ANKRD11: variants seen among roughly 807,000 people sequenced by gnomAD.
ANKRD11 encodes ankyrin repeat domain 11.
ANKRD11 carries 17 observed loss-of-function variants against 195.7 expected under a neutral mutation model. That is an observed-to-expected ratio of 0.09 (90% CI 0.06 to 0.13). The LOEUF (loss-of-function observed/expected upper bound fraction) is 0.13, where lower values mean the gene tolerates loss of function less well. Among genes scored for constraint, ANKRD11 ranks in the 10% least tolerant of loss-of-function variants. The pLI, the probability that ANKRD11 is intolerant of heterozygous loss-of-function variation, is 1.00. For missense variants in ANKRD11, 3,735 were observed against 3,566.1 expected, an observed-to-expected ratio of 1.05 and a Z score of -1.21; for synonymous variants, 1,953 against 1,528.1, an observed-to-expected ratio of 1.28 and a Z score of -6.49.
intron 2 of ANKRD11, among the ~76,000 whole-genome samples, chr16:89,368,114 C>T (rs946694375): frequency 2.0e-5 from 3 of 152,200 alleles, no homozygotes; most frequent in Non-Finnish European, 2.9e-5. Flanking sequence ...GCTCACTACG[C>T]TACTCATTGG....
chr16:89,404,108 T>G (rs2041813754), intron 2 of ANKRD11, among the ~76,000 whole-genome samples: 1 of 152,200 alleles, frequency 6.6e-6, no homozygotes, highest in African/African-American at 2.4e-5. Flanking sequence ...GCCCGGCACA[T>G]GATTGTGAAG....
intron 11 of ANKRD11, among the ~76,000 whole-genome samples, chr16:89,274,557 G>A (rs2033474230): frequency 6.6e-6 from 1 of 152,194 alleles, no homozygotes; most frequent in Non-Finnish European, 1.5e-5. Context: ...GTTACGGAGG[G>A]ACTGAGCTGC....
At chr16:89,420,811 G>A (rs933422173) in intron 1 of ANKRD11, among the ~76,000 whole-genome samples, 1 of 152,138 alleles carries the variant, frequency 6.6e-6, no homozygotes, top group African/African-American at 2.4e-5. Flanking sequence ...CAACCTCCTG[G>A]GCCCAAGGGG....
intron 2 of ANKRD11, among the ~76,000 whole-genome samples, chr16:89,326,737 G>A (rs1280966968): frequency 6.6e-6 from 1 of 152,122 alleles, no homozygotes; most frequent in Non-Finnish European, 1.5e-5. Flanking sequence ...GCAAGACCCT[G>A]TGTGAAAAAA....
intron 2 of ANKRD11, among the ~76,000 whole-genome samples, chr16:89,359,794 G>A (rs2039651636): frequency 6.6e-6 from 1 of 152,202 alleles, no homozygotes; most frequent in African/African-American, 2.4e-5. Flanking sequence ...TCTATGTGAT[G>A]CAGAAAGATA....
At chr16:89,346,101 T>C (rs568535288) in intron 2 of ANKRD11, among the ~76,000 whole-genome samples, 30 of 150,986 alleles carry the variant, frequency 2.0e-4, no homozygotes, top group Non-Finnish European at 3.8e-4. Flanking sequence ...AAAAAAAAAT[T>C]AGCCGGGCGT....
At chr16:89,345,720 C>T (rs2038908392) in intron 2 of ANKRD11, among the ~76,000 whole-genome samples, 1 of 152,122 alleles carries the variant, frequency 6.6e-6, no homozygotes, top group South Asian at 2.1e-4. Context: ...ATGTTTAATC[C>T]ATGAACAAAC....
chr16:89,487,700 G>C (rs1420992167), intron 1 of ANKRD11, among the ~76,000 whole-genome samples: 1 of 152,170 alleles, frequency 6.6e-6, no homozygotes, highest in Admixed American at 6.5e-5. Context: ...TTGAACCCCA[G>C]GAGACGGAGG....
At chr16:89,319,544 A>G (rs1041436365) in intron 2 of ANKRD11, among the ~76,000 whole-genome samples, 1 of 152,162 alleles carries the variant, frequency 6.6e-6, no homozygotes, top group African/African-American at 2.4e-5. Context: ...CCCTTCCAGG[A>G]CCCTCGTGTC....
chr16:89,456,472 C>T (rs2056441676), intron 1 of ANKRD11, among the ~76,000 whole-genome samples: 1 of 150,472 alleles, frequency 6.6e-6, no homozygotes, highest in African/African-American at 2.5e-5. Flanking sequence ...CACTTGAACC[C>T]GGGAGGCGGA....
intron 1 of ANKRD11, among the ~76,000 whole-genome samples, chr16:89,448,142 C>T (rs2043890369): frequency 6.9e-6 from 1 of 145,282 alleles, no homozygotes; most frequent in African/African-American, 2.4e-5. Context: ...GTCACATGCA[C>T]CCTTGCAGAC....
chr16:89,355,200 C>G (rs969224108), intron 2 of ANKRD11, among the ~76,000 whole-genome samples: 35 of 152,104 alleles, frequency 2.3e-4, no homozygotes, highest in African/African-American at 4.8e-5. Context: ...GCTGGTGATG[C>G]TCGGGAGGCG....
At position 89,280,194 on chromosome 16, in the gene ANKRD11, C is replaced by T; in HGVS notation, c.6348G>A (p.Glu2116=). ...SRGLSHLGQV[E]PVPWADAFAG... is the part of the protein sequence containing the mutation. ...CGAAGGCGTCCGCCCAGGGCACCGG[C>T]TCCACCTGGCCGAGGTGAGACAGGC... The change falls in exon 9 of 13, where the codon GAG becomes GAA. Residue 2116 remains glutamate (E), a synonymous_variant. Transcript: ENST00000301030. The T allele has an allele frequency of 2.5e-6, 4 of 1,608,680 alleles. No homozygotes were observed. Among genetic ancestry groups the T allele is most frequent in the Non-Finnish European group, 3.4e-6 (4 of 1,179,104 alleles).
intron 9 of ANKRD11, among the ~76,000 whole-genome samples, chr16:89,277,145 G>A (rs1185611268): frequency 2.0e-5 from 3 of 152,128 alleles, no homozygotes; most frequent in South Asian, 2.1e-4. Flanking sequence ...ACCCTGCCTC[G>A]ACGAGCCCAG....
chr16:89,382,079 C>G (rs935128571), intron 2 of ANKRD11, among the ~76,000 whole-genome samples: 1 of 152,208 alleles, frequency 6.6e-6, no homozygotes, highest in Non-Finnish European at 1.5e-5. Flanking sequence ...GAATGGGGCC[C>G]AGGCAGGCGC....
intron 2 of ANKRD11, among the ~76,000 whole-genome samples, chr16:89,349,947 G>A (rs1019334826): frequency 6.7e-6 from 1 of 150,038 alleles, no homozygotes; most frequent in African/African-American, 2.5e-5. Flanking sequence ...AAGGACCTGT[G>A]TCTAGAATCC....
chr16:89,350,901 T>C (rs2039182940), intron 2 of ANKRD11, among the ~76,000 whole-genome samples: 1 of 152,164 alleles, frequency 6.6e-6, no homozygotes, highest in African/African-American at 2.4e-5. Flanking sequence ...TGTGTTACGA[T>C]TTCTTTCCAC....
At chr16:89,343,062 C>A (rs2038766790) in intron 2 of ANKRD11, among the ~76,000 whole-genome samples, 1 of 152,188 alleles carries the variant, frequency 6.6e-6, no homozygotes, top group South Asian at 2.1e-4. Context: ...CTGTTGTCAC[C>A]CAGGCTGGAG....
At chr16:89,379,639 AC>A (rs1351357818) in intron 2 of ANKRD11, among the ~76,000 whole-genome samples, 7 of 152,086 alleles carry the variant, frequency 4.6e-5, no homozygotes, top group African/African-American at 1.7e-4. Context: ...CTGCTCCACC[AC>A]TGCTCTCTGC....
Sources: gnomAD v4.1 joint callset for allele counts (sites outside exome capture counted in the v4.1 genomes callset) on GRCh38, gnomAD v4.1.1 for gene constraint, MANE v1.5 for transcripts, NCBI Gene and HGNC (gene_info 2026-07-23, HGNC 2026-07-21) for gene names.